The following RAB38 variants were observed in gnomAD, a reference collection of about 807,000 sequenced individuals.
RAB38 encodes the protein ras-related protein Rab-38.
A neutral mutation model predicts 18.4 loss-of-function variants in RAB38; 15 were observed. The observed-to-expected ratio is 0.82, with a 90% CI of 0.55 to 1.26. The LOEUF is 1.26. RAB38 is among the 50% of genes most tolerant of loss of function. RAB38 has a pLI of 0.00. For synonymous variants in RAB38, 101 were observed against 104.4 expected (o/e 0.97, Z 0.20); for missense variants, 294 against 267.4 (o/e 1.10, Z -0.69).
At chr11:88,060,857 CA>C in the RAB38 span, among the ~76,000 whole-genome samples, 3 of 152,038 alleles carry the variant, frequency 2.0e-5, no homozygotes, top group Non-Finnish European at 2.9e-5. Context: ...CTATCTGTTC[CA>C]AAAAGTTCCA....
the RAB38 span, among the ~76,000 whole-genome samples, chr11:87,893,697 C>T: frequency 6.6e-6 from 1 of 151,424 alleles, no homozygotes; most frequent in Non-Finnish European, 1.5e-5. Flanking sequence ...GTGATCTCAC[C>T]ACCTCTAGCC....
At chr11:88,057,250 C>T in the RAB38 span, among the ~76,000 whole-genome samples, 2 of 152,154 alleles carry the variant, frequency 1.3e-5, no homozygotes, top group Admixed American at 6.5e-5. Flanking sequence ...GGCATTCAAC[C>T]AGATATTCGT....
At chr11:87,976,658 ATATAATTTTATATGATATATATT>A in the RAB38 span, among the ~76,000 whole-genome samples, 3 of 115,258 alleles carry the variant, frequency 2.6e-5, no homozygotes, top group Admixed American at 2.1e-4. Context: ...ATATAAATAT[ATATAATTTTATATGATATATATT>A]TATATATTTA....
the RAB38 span, among the ~76,000 whole-genome samples, chr11:87,828,984 A>G: frequency 6.6e-6 from 1 of 152,232 alleles, no homozygotes; most frequent in Admixed American, 6.5e-5. Context: ...TGGGACTTAA[A>G]AACTCGAAGG....
the RAB38 span, among the ~76,000 whole-genome samples, chr11:88,013,679 A>T: frequency 6.6e-6 from 1 of 152,114 alleles, no homozygotes; most frequent in Non-Finnish European, 1.5e-5. Context: ...TAGGACCGAG[A>T]TGGATAAAAA....
chr11:88,057,562 A>C, the RAB38 span, among the ~76,000 whole-genome samples: 1 of 152,184 alleles, frequency 6.6e-6, no homozygotes, highest in African/African-American at 2.4e-5. Flanking sequence ...AGTGTTCAAT[A>C]AATGTTGTTT....
downstream of RAB38, among the ~76,000 whole-genome samples, chr11:88,109,146 C>T (rs900695694): frequency 2.0e-5 from 3 of 151,994 alleles, no homozygotes; most frequent in Admixed American, 6.6e-5. Context: ...TACTACAAGG[C>T]TACAATGACC....
chr11:88,029,460 T>G, the RAB38 span, among the ~76,000 whole-genome samples: 4 of 152,092 alleles, frequency 2.6e-5, no homozygotes, highest in African/African-American at 9.7e-5. Context: ...TCAAGACCCA[T>G]CAGTGTGCGG....
At chr11:87,955,992 T>A in the RAB38 span, among the ~76,000 whole-genome samples, 8 of 152,102 alleles carry the variant, frequency 5.3e-5, no homozygotes, top group Non-Finnish European at 1.0e-4. Flanking sequence ...CTTGCTTCAG[T>A]ACATTAGCAG....
At chr11:87,923,828 A>C in the RAB38 span, among the ~76,000 whole-genome samples, 2 of 151,926 alleles carry the variant, frequency 1.3e-5, no homozygotes, top group Admixed American at 6.6e-5. Flanking sequence ...TAGCATTTGC[A>C]TCACAGTTTT....
At chr11:87,948,581 AT>A in the RAB38 span, among the ~76,000 whole-genome samples, 1 of 152,052 alleles carries the variant, frequency 6.6e-6, no homozygotes, top group Non-Finnish European at 1.5e-5. Context: ...TCAATATCTA[AT>A]TTATTGAGAG....
chr11:87,830,769 A>G, the RAB38 span, among the ~76,000 whole-genome samples: 1 of 152,064 alleles, frequency 6.6e-6, no homozygotes, highest in East Asian at 1.9e-4. Context: ...AAGGAAATTA[A>G]ATTTTAATAA....
the RAB38 span, among the ~76,000 whole-genome samples, chr11:88,017,566 C>T: frequency 1.3e-5 from 2 of 151,344 alleles, no homozygotes; most frequent in African/African-American, 4.8e-5. Context: ...TTAACTATTA[C>T]GTACCCTAGT....
the RAB38 span, among the ~76,000 whole-genome samples, chr11:88,048,395 T>A: frequency 1.6e-4 from 25 of 152,142 alleles, no homozygotes; most frequent in Non-Finnish European, 2.8e-4. Context: ...TGGTATTCAG[T>A]GGAAACTTCC....
the RAB38 span, among the ~76,000 whole-genome samples, chr11:87,927,863 T>C: frequency 6.6e-6 from 1 of 151,890 alleles, no homozygotes; most frequent in Non-Finnish European, 1.5e-5. Context: ...GCCCAGGAGT[T>C]CCAGACCGGC....
the RAB38 span, among the ~76,000 whole-genome samples, chr11:88,031,470 C>G: frequency 1.3e-5 from 2 of 151,806 alleles, no homozygotes; most frequent in Admixed American, 6.6e-5. Context: ...GACTGTATAT[C>G]GAGAAAACCC....
chr11:88,096,513 G>C, the RAB38 span, among the ~76,000 whole-genome samples: 3 of 151,806 alleles, frequency 2.0e-5, no homozygotes, highest in East Asian at 5.8e-4. Flanking sequence ...ATATATATTT[G>C]TAGATGGTCA....
the RAB38 span, among the ~76,000 whole-genome samples, chr11:87,935,646 A>G: frequency 6.6e-6 from 1 of 152,192 alleles, no homozygotes; most frequent in East Asian, 1.9e-4. Flanking sequence ...CCTCTTGAAA[A>G]CTTATAGTAC....
the RAB38 span, among the ~76,000 whole-genome samples, chr11:87,961,166 C>T: frequency 3.9e-5 from 6 of 152,152 alleles, no homozygotes; most frequent in Non-Finnish European, 8.8e-5. Flanking sequence ...GACCTCCTTT[C>T]AGCTAGAGTG....
Sources: gnomAD v4.1 joint callset for allele counts (sites outside exome capture counted in the v4.1 genomes callset) on GRCh38, gnomAD v4.1.1 for gene constraint, MANE v1.5 for transcripts, NCBI Gene and HGNC (gene_info 2026-07-23, HGNC 2026-07-21) for gene names.